Variants in ACTR2 observed in about 807,000 individuals in gnomAD.
The protein encoded by ACTR2 is actin related protein 2, also known as actin-related protein 2.
A neutral mutation model predicts 50.2 loss-of-function variants in ACTR2; 5 were observed. That is an observed-to-expected ratio of 0.10 (90% CI 0.05 to 0.21). ACTR2 has a LOEUF of 0.21. Ranked by LOEUF, ACTR2 falls within the 10% of genes least tolerant of loss-of-function variation. The pLI is 1.00. For missense variants in ACTR2, 180 were observed against 480.6 expected, an observed-to-expected ratio of 0.37 and a Z score of 5.85; for synonymous variants, 140 against 162.9, an observed-to-expected ratio of 0.86 and a Z score of 1.07.
intron 5 of ACTR2, among the ~76,000 whole-genome samples, chr2:65,254,101 G>GTA (rs1192494817): frequency 1.3e-5 from 2 of 152,104 alleles, no homozygotes; most frequent in African/African-American, 4.8e-5. Flanking sequence ...ACTAATGAGA[G>GTA]TACATTATAT....
intron 3 of ACTR2, among the ~76,000 whole-genome samples, chr2:65,247,839 A>C (rs1239810562): frequency 6.6e-6 from 1 of 152,142 alleles, no homozygotes; most frequent in African/African-American, 2.4e-5. Context: ...TAGATGCTAA[A>C]GGCAAAATAA....
intron 7 of ACTR2, among the ~76,000 whole-genome samples, chr2:65,262,919 T>C (rs1672297359): frequency 6.6e-6 from 1 of 151,786 alleles, no homozygotes; most frequent in Admixed American, 6.6e-5. Context: ...TGAGCCATGA[T>C]TGTGTCACTG....
At chr2:65,264,143 C>T (rs913349307) in intron 7 of ACTR2, among the ~76,000 whole-genome samples, 1 of 152,186 alleles carries the variant, frequency 6.6e-6, no homozygotes, top group Non-Finnish European at 1.5e-5. Context: ...ACCTTCTCCA[C>T]AGAGTTTGCA....
intron 5 of ACTR2, among the ~76,000 whole-genome samples, chr2:65,254,124 A>G (rs1037206166): frequency 2.0e-5 from 3 of 152,210 alleles, no homozygotes; most frequent in African/African-American, 4.8e-5. Context: ...TTACATAATT[A>G]TATTTGTTAT....
At chr2:65,230,808 C>A (rs886405733) in intron 1 of ACTR2, among the ~76,000 whole-genome samples, 1 of 151,908 alleles carries the variant, frequency 6.6e-6, no homozygotes, top group African/African-American at 2.4e-5. Flanking sequence ...AATCCCAGCA[C>A]TTTGGGAGGC....
intron 1 of ACTR2, among the ~76,000 whole-genome samples, chr2:65,233,311 T>G (rs553915786): frequency 6.6e-6 from 1 of 151,788 alleles, no homozygotes; most frequent in Non-Finnish European, 1.5e-5. Flanking sequence ...TTTTTAATAC[T>G]GATTATTATT....
At chr2:65,238,841 G>T (rs1321782351) in intron 1 of ACTR2, among the ~76,000 whole-genome samples, 1 of 151,860 alleles carries the variant, frequency 6.6e-6, no homozygotes, top group African/African-American at 2.4e-5. Context: ...GGTGGTGGGT[G>T]CCTGTAATCC....
intron 1 of ACTR2, among the ~76,000 whole-genome samples, chr2:65,232,817 A>C (rs553060347): frequency 6.6e-6 from 1 of 152,328 alleles, no homozygotes; most frequent in Non-Finnish European, 1.5e-5. Context: ...AGAGGAAACT[A>C]TATATGGTAA....
intron 2 of ACTR2, chr2:65,241,948 T>C (rs1671846976): frequency 1.3e-6 from 2 of 1,495,764 alleles, no homozygotes; most frequent in Non-Finnish European, 1.8e-6. Flanking sequence ...TTGTCTCTAT[T>C]GCTTGTATGT....
chr2:65,253,607 A>G (rs1573162044), intron 4 of ACTR2, 121 bp from the exon 5 acceptor site: 1 of 961,682 alleles, frequency 1.0e-6, no homozygotes, highest in East Asian at 2.4e-5. Context: ...ATAACTAAAT[A>G]ATAAATTCTG....
chr2:65,268,455 A>G, intron 8 of ACTR2, 109 bp from the exon 9 acceptor site: 1 of 947,048 alleles, frequency 1.1e-6, no homozygotes, highest in Non-Finnish European at 1.6e-6. Flanking sequence ...TACTTATATT[A>G]CAGGACTGTT....
At chr2:65,256,802 G>A (rs1049511958) in intron 6 of ACTR2, among the ~76,000 whole-genome samples, 1 of 151,244 alleles carries the variant, frequency 6.6e-6, no homozygotes, top group African/African-American at 2.4e-5. Context: ...AACCCAGGAG[G>A]CAGAGGTTGC....
intron 2 of ACTR2, among the ~76,000 whole-genome samples, chr2:65,245,087 C>G (rs901026912): frequency 6.6e-6 from 1 of 151,680 alleles, no homozygotes; most frequent in Non-Finnish European, 1.5e-5. Flanking sequence ...CTTTGTTATA[C>G]TTTTTGATGC....
rs1001625968 is a variant in ACTR2 at position 65,270,148 on chromosome 2, A to G, written c.*1414A>G. On this transcript the variant is annotated 3_prime_UTR_variant, in exon 9 of 9. Coordinates refer to ENST00000260641, the MANE Select transcript of ACTR2 (RefSeq NM_005722.4). ...GAAAAATAAAAAGAAATTGCATCACACTAATTACAAAATACAAGTTCTGGA... is the reference window on the plus strand; with the variant it reads ...GAAAAATAAAAAGAAATTGCATCACGCTAATTACAAAATACAAGTTCTGGA... The G allele has an allele frequency of 5.3e-5, 8 of 152,288 alleles. No individual in the cohort carries two copies. The highest frequency in any genetic ancestry group is 7.3e-5 in the Non-Finnish European group (5 of 68,036). The allele number at this position is 152,288 out of a possible 1,614,324, so 9.4% of individuals were successfully genotyped here. A position where few individuals can be genotyped will look rare whatever the true frequency, so the allele number is the denominator to read the frequency against.
chr2:65,245,881 A>G (rs988771373), intron 2 of ACTR2, among the ~76,000 whole-genome samples: 3 of 152,126 alleles, frequency 2.0e-5, no homozygotes, highest in Admixed American at 6.5e-5. Context: ...AGGATGGGTT[A>G]TTTGCCTATA....
chr2:65,230,001 G>A (rs1671605624), intron 1 of ACTR2, among the ~76,000 whole-genome samples: 1 of 152,120 alleles, frequency 6.6e-6, no homozygotes. Context: ...TGAGACAGAG[G>A]ATAAGGGAGT....
At chr2:65,253,661 T>C (rs1672096201) in intron 4 of ACTR2, 67 bp from the exon 5 acceptor site, 8 of 1,552,624 alleles carry the variant, frequency 5.2e-6, no homozygotes, top group Non-Finnish European at 7.0e-6. Context: ...CCTACTGTAT[T>C]TGGAACTCGC....
intron 1 of ACTR2, among the ~76,000 whole-genome samples, chr2:65,234,741 C>G (rs1302651490): frequency 3.3e-5 from 5 of 152,194 alleles, no homozygotes; most frequent in Non-Finnish European, 5.9e-5. Context: ...CCTCCAGCTT[C>G]TCTTACGATT....
chr2:65,245,749 G>A (rs1308134226), intron 2 of ACTR2, among the ~76,000 whole-genome samples: 1 of 152,184 alleles, frequency 6.6e-6, no homozygotes, highest in East Asian at 1.9e-4. Context: ...ACTTTCAAAT[G>A]TGGGTCATCT....
Sources: allele counts gnomAD v4.1 joint callset (sites outside exome capture counted in the v4.1 genomes callset), GRCh38; gene constraint gnomAD v4.1.1; transcripts MANE v1.5; gene names NCBI Gene and HGNC (gene_info 2026-07-23, HGNC 2026-07-21).